The following KIF26B variants were observed in gnomAD, a reference collection of about 807,000 sequenced individuals.
KIF26B encodes the protein kinesin family member 26B.
A neutral mutation model predicts 151.2 loss-of-function variants in KIF26B; 63 were observed. The observed-to-expected ratio is 0.42, with a 90% CI of 0.34 to 0.51. The LOEUF is 0.51. Ranked by LOEUF, KIF26B falls within the 20% of genes least tolerant of loss-of-function variation. The pLI is 0.07. For synonymous variants in KIF26B, 1,357 were observed against 1,262.1 expected, an observed-to-expected ratio of 1.08 and a Z score of -1.59; for missense variants, 2,813 against 2,913.6, an observed-to-expected ratio of 0.97 and a Z score of 0.79.
intron 3 of KIF26B, among the ~76,000 whole-genome samples, chr1:245,392,414 C>A (rs1188658610): frequency 6.6e-6 from 1 of 152,146 alleles, no homozygotes; most frequent in Admixed American, 6.5e-5. Flanking sequence ...TTTAAATGTA[C>A]AAAAGGGATA....
intron 4 of KIF26B, among the ~76,000 whole-genome samples, chr1:245,482,883 C>T (rs1660197670): frequency 1.3e-5 from 2 of 151,930 alleles, no homozygotes; most frequent in South Asian, 2.1e-4. Flanking sequence ...GCCTCACGAT[C>T]TGGGAGGGCG....
At chr1:245,283,690 A>AGTTTT (rs1553341297) in intron 2 of KIF26B, among the ~76,000 whole-genome samples, 1 of 141,686 alleles carries the variant, frequency 7.1e-6, no homozygotes, top group African/African-American at 2.6e-5. Flanking sequence ...AAGCTTGAGA[A>AGTTTT]TTTTTTTTTT....
In KIF26B at chr1:245,563,436, C is replaced by A. The variant is rs1006320633; in HGVS notation, c.1350+22486C>A. Among the ~76,000 whole-genome samples the A allele has an allele frequency of 6.6e-6, 1 of 152,212 alleles. No individual in the cohort carries two copies. Among genetic ancestry groups the A allele is most frequent in the African/African-American group, 2.4e-5 (1 of 41,442 alleles). ...CGCATATACCCTCTTGCTCCCGAAT[C>A]ATTAAGAACTCCTGCCCATTGGATG... On this transcript the variant is annotated intron_variant, in intron 5 of 14. Coordinates refer to ENST00000407071, the MANE Select transcript of KIF26B (RefSeq NM_018012.4). The surrounding 1 kb of genome is among the most constrained non-coding windows in gnomAD (Gnocchi z 4.6).
chr1:245,388,097 G>A (rs1299375265), intron 3 of KIF26B, among the ~76,000 whole-genome samples: 1 of 152,162 alleles, frequency 6.6e-6, no homozygotes, highest in Non-Finnish European at 1.5e-5. Flanking sequence ...CCTCAGAAGT[G>A]ACGTGGAAGC....
At chr1:245,257,697 G>A (rs1670563357) in intron 2 of KIF26B, among the ~76,000 whole-genome samples, 1 of 152,142 alleles carries the variant, frequency 6.6e-6, no homozygotes, top group Non-Finnish European at 1.5e-5. Context: ...TGCTTAGGTG[G>A]CAGAGGACAG....
At chr1:245,200,117 G>A (rs367674235) in intron 2 of KIF26B, among the ~76,000 whole-genome samples, 5 of 152,282 alleles carry the variant, frequency 3.3e-5, no homozygotes, top group African/African-American at 7.2e-5. Context: ...AATCCCACAC[G>A]ACTATTTCTT....
rs888265614 is a variant in KIF26B, at chr1:245,698,961, G to A, written c.6102G>A (p.Lys2034=). ...RQQRIAEVRA[K]YEWLMKELEA... ...AGAGGATCGCCGAGGTCCGCGCGAA[G>A]TACGAGTGGCTGATGAAGGAGCTGG... The change falls in exon 14 of 15, where the codon AAG becomes AAA. Residue 2034 remains lysine (K), a synonymous_variant. Coordinates refer to ENST00000407071, the MANE Select transcript of KIF26B (RefSeq NM_018012.4). This position sits in a 1 kb window ranked among gnomAD's most constrained non-coding sequence, Gnocchi z 4.0. The A allele has an allele frequency of 1.2e-6, 2 of 1,614,066 alleles. No homozygotes were observed. The highest frequency in any genetic ancestry group is 8.5e-7 in the Non-Finnish European group (1 of 1,179,904).
chr1:245,469,976 T>A (rs1236242703), intron 4 of KIF26B, among the ~76,000 whole-genome samples: 1 of 150,068 alleles, frequency 6.7e-6, no homozygotes, highest in Non-Finnish European at 1.5e-5. Flanking sequence ...AAACCGGAGG[T>A]CACAGTAGAT....
chr1:245,665,832 G>A (rs764005975), intron 10 of KIF26B, among the ~76,000 whole-genome samples: 12 of 151,658 alleles, frequency 7.9e-5, no homozygotes, highest in Non-Finnish European at 1.5e-4. Context: ...CTACAGGCAC[G>A]CACCACCATG....
At chr1:245,612,030 AAATCCCTTGGGCAACCAT>A in intron 9 of KIF26B, 54 bp downstream of exon 9, 1 of 1,552,508 alleles carries the variant, frequency 6.4e-7, no homozygotes, top group South Asian at 1.1e-5. Flanking sequence ...CCCCAGCCAG[AAATCCCTTGGGCAACCAT>A]GACCTTTGTG....
intron 2 of KIF26B, among the ~76,000 whole-genome samples, chr1:245,226,798 A>G (rs1219699242): frequency 6.6e-6 from 1 of 152,188 alleles, no homozygotes; most frequent in Non-Finnish European, 1.5e-5. Context: ...CGAAAAGGGT[A>G]TGATGGCAGA....
rs1472757531 is a variant in KIF26B, at chr1:245,560,985, T to G, written c.1350+20035T>G. Among the ~76,000 whole-genome samples, 1 of 152,162 alleles carries G rather than the reference T, an allele frequency of 6.6e-6. No individual in the cohort carries two copies. The highest frequency in any genetic ancestry group is 1.5e-5 in the Non-Finnish European group (1 of 68,036). On this transcript the variant is annotated intron_variant, in intron 5 of 14. Transcript: ENST00000407071. This position sits in a 1 kb window ranked among gnomAD's most constrained non-coding sequence, Gnocchi z 4.3. The stretch of plus-strand genomic sequence containing the variant: ...GGGACACCTGACTGATAGCAGCCTG[T>G]GCAGATGTGAGGAACAGAAGGTGGC...
At chr1:245,277,794 G>A (rs950858395) in intron 2 of KIF26B, among the ~76,000 whole-genome samples, 1 of 152,130 alleles carries the variant, frequency 6.6e-6, no homozygotes, top group African/African-American at 2.4e-5. Context: ...AGTGGGAAGG[G>A]GGCTTGGAGT....
intron 2 of KIF26B, among the ~76,000 whole-genome samples, chr1:245,324,191 G>A (rs1354974704): frequency 6.6e-6 from 1 of 151,034 alleles, no homozygotes; most frequent in Non-Finnish European, 1.5e-5. Flanking sequence ...TGGAGGTGGG[G>A]TGGGCTCTGC....
chr1:245,447,709 A>AC (rs993147874), intron 4 of KIF26B, among the ~76,000 whole-genome samples: 2 of 152,182 alleles, frequency 1.3e-5, no homozygotes, highest in African/African-American at 4.8e-5. Flanking sequence ...TATTGTCCCA[A>AC]CAACACTCAG....
At chr1:245,337,893 G>T (rs1672267278) in intron 2 of KIF26B, among the ~76,000 whole-genome samples, 1 of 152,194 alleles carries the variant, frequency 6.6e-6, no homozygotes, top group African/African-American at 2.4e-5. Context: ...GTCTCCTTTA[G>T]ATAGCGTGCT....
chr1:245,531,333 G>A (rs114788021), intron 4 of KIF26B, among the ~76,000 whole-genome samples: 306 of 152,276 alleles, frequency 2.0e-3, no homozygotes, highest in Middle Eastern at 3.4e-3. Flanking sequence ...GGATTTAGAG[G>A]ATGGAAACAC....
chr1:245,685,285 A>G (rs1302977591), intron 11 of KIF26B, 120 bp from the exon 12 acceptor site: 8 of 835,018 alleles, frequency 9.6e-6, no homozygotes, highest in Non-Finnish European at 1.3e-5. Flanking sequence ...CGGGAGGCCA[A>G]CGGGGGTGGC....
chr1:245,657,535 C>A, intron 10 of KIF26B, among the ~76,000 whole-genome samples: 1 of 152,174 alleles, frequency 6.6e-6, no homozygotes, highest in East Asian at 1.9e-4. Context: ...TTAAAACCTT[C>A]AGTGGCTTCC....
Sources: allele counts gnomAD v4.1 joint callset (sites outside exome capture counted in the v4.1 genomes callset), GRCh38; gene constraint gnomAD v4.1.1; non-coding constraint Gnocchi (gnomAD v3.1); transcripts MANE v1.5; gene names NCBI Gene and HGNC (gene_info 2026-07-23, HGNC 2026-07-21).